The following TENM2 variants were observed in gnomAD, a reference collection of about 807,000 sequenced individuals.
The protein encoded by TENM2 is teneurin-2.
In TENM2, 52 loss-of-function variants were observed where a neutral mutation model predicts 245.2. That is an observed-to-expected ratio of 0.21 (90% confidence interval 0.17 to 0.27). TENM2 has a LOEUF of 0.27. TENM2 is among the 10% of genes least tolerant of loss of function. The pLI is 1.00. For missense variants in TENM2, 3,046 were observed against 3,666.8 expected (o/e 0.83, Z 4.37); for synonymous variants, 1,363 against 1,438.9 (o/e 0.95, Z 1.19).
At position 167,993,942 on chromosome 5, in the gene TENM2, C is replaced by G. The variant is rs537449048; in HGVS notation, c.1186+760C>G. ...GCCATAGGGTGTAGCCGTGTCACCA[C>G]AGAAAGTGGCAGATGCTGAGCGCCC... is the stretch of plus-strand genomic sequence containing the variant. On this transcript the variant is annotated intron_variant, in intron 5 of 28. Coordinates refer to ENST00000518659, the Ensembl canonical transcript of TENM2. 1.9e-4 allele frequency among the ~76,000 whole-genome samples: 29 copies of G among 152,362 alleles called. No homozygotes were observed. The Middle Eastern group carries it at 0.01, about 54-fold the overall frequency.
At chr5:167,838,584 T>C (rs1283492374) in intron 2 of TENM2, among the ~76,000 whole-genome samples, 1 of 152,176 alleles carries the variant, frequency 6.6e-6, no homozygotes, top group Non-Finnish European at 1.5e-5. Flanking sequence ...TGCTTTCAAA[T>C]TGAAACTAAT....
chr5:167,303,554 G>A (rs146633052), intron 1 of TENM2, among the ~76,000 whole-genome samples: 2,446 of 152,188 alleles, frequency 0.016, 30 homozygotes, highest in Middle Eastern at 0.031. Flanking sequence ...GTTAAGGCAG[G>A]AACAGGCCAT....
chr5:168,017,895 C>A (rs1365405648), intron 5 of TENM2, among the ~76,000 whole-genome samples: 1 of 152,190 alleles, frequency 6.6e-6, no homozygotes. Context: ...CCCCCCTTCT[C>A]CCGTCACTTT....
At chr5:167,578,085 A>G (rs1774835847) in intron 2 of TENM2, among the ~76,000 whole-genome samples, 1 of 152,182 alleles carries the variant, frequency 6.6e-6, no homozygotes, top group Non-Finnish European at 1.5e-5. Context: ...AAGCCAAGGT[A>G]TTTGATAGCC....
At chr5:167,505,254 C>G (rs1337842075) in intron 2 of TENM2, among the ~76,000 whole-genome samples, 1 of 152,126 alleles carries the variant, frequency 6.6e-6, no homozygotes, top group African/African-American at 2.4e-5. Flanking sequence ...GTGGAAAAGA[C>G]TGATGAATTA....
At chr5:167,385,391 G>C (rs1561913529) in intron 2 of TENM2, among the ~76,000 whole-genome samples, 1 of 144,390 alleles carries the variant, frequency 6.9e-6, no homozygotes, top group Non-Finnish European at 1.5e-5. Flanking sequence ...CAAGCTTTCT[G>C]CTTGTCTTTA....
At chr5:167,919,103 G>A (rs973056929) in intron 3 of TENM2, among the ~76,000 whole-genome samples, 4 of 152,026 alleles carry the variant, frequency 2.6e-5, no homozygotes, top group Non-Finnish European at 4.4e-5. Flanking sequence ...CTCATATTAC[G>A]TTTAGATTGT....
At chr5:167,009,186 C>A in the TENM2 span, among the ~76,000 whole-genome samples, 3 of 152,134 alleles carry the variant, frequency 2.0e-5, no homozygotes, top group Non-Finnish European at 2.9e-5. Context: ...ATTACACAAT[C>A]GGATGTACAG....
chr5:167,307,360 A>G (rs1755740258), intron 1 of TENM2, among the ~76,000 whole-genome samples: 1 of 152,136 alleles, frequency 6.6e-6, no homozygotes, highest in Admixed American at 6.6e-5. Context: ...ATTCTATTAT[A>G]CTGTCAGGAT....
chr5:168,254,380 G>T (rs2152707050), intron 27 of TENM2, among the ~76,000 whole-genome samples: 1 of 152,176 alleles, frequency 6.6e-6, no homozygotes, highest in East Asian at 1.9e-4. Context: ...TTTCCAAAGG[G>T]ATTGAGGCTC....
At chr5:167,872,526 AAG>A (rs1372668031) in intron 2 of TENM2, among the ~76,000 whole-genome samples, 738 of 51,096 alleles carry the variant, frequency 0.014, 10 homozygotes, top group African/African-American at 0.037. Context: ...GAAAGAAAGA[AAG>A]AAAGAAAGAA....
At chr5:167,000,471 G>C in the TENM2 span, among the ~76,000 whole-genome samples, 4 of 152,112 alleles carry the variant, frequency 2.6e-5, no homozygotes, top group African/African-American at 9.7e-5. Flanking sequence ...ATGCAAAACT[G>C]ACCTCTAACT....
chr5:167,598,571 G>A (rs1271569835), intron 2 of TENM2, among the ~76,000 whole-genome samples: 5 of 152,152 alleles, frequency 3.3e-5, no homozygotes, highest in African/African-American at 1.2e-4. Flanking sequence ...TTATTACGTG[G>A]GTGACCCCGT....
intron 2 of TENM2, among the ~76,000 whole-genome samples, chr5:167,874,368 C>A (rs943696210): frequency 6.6e-6 from 1 of 152,124 alleles, no homozygotes; most frequent in Admixed American, 6.5e-5. Context: ...GCATTAAATT[C>A]ACTGAATAAT....
chr5:167,030,847 C>G, the TENM2 span, among the ~76,000 whole-genome samples: 1 of 152,112 alleles, frequency 6.6e-6, no homozygotes, highest in Admixed American at 6.6e-5. Context: ...TGTTATTTAC[C>G]ACCTCTTCCT....
At chr5:167,279,381 T>G in the TENM2 span, among the ~76,000 whole-genome samples, 1 of 152,136 alleles carries the variant, frequency 6.6e-6, no homozygotes, top group African/African-American at 2.4e-5. Flanking sequence ...GGGACTCTGA[T>G]GACATGAACA....
At chr5:167,863,813 G>A (rs1040115596) in intron 2 of TENM2, among the ~76,000 whole-genome samples, 7 of 152,178 alleles carry the variant, frequency 4.6e-5, no homozygotes, top group African/African-American at 1.7e-4. Flanking sequence ...TCCTAGCCCA[G>A]TACTCTTCCT....
chr5:167,084,949 C>T, the TENM2 span, among the ~76,000 whole-genome samples: 1 of 152,128 alleles, frequency 6.6e-6, no homozygotes, highest in East Asian at 1.9e-4. Context: ...AACATTAGGG[C>T]CCTAGTACAT....
chr5:167,703,423 T>A (rs1037315674), intron 2 of TENM2, among the ~76,000 whole-genome samples: 1 of 150,462 alleles, frequency 6.6e-6, no homozygotes, highest in East Asian at 2.0e-4. Context: ...TCCCAGCTAC[T>A]CGGAAGGCTG....
Sources: gnomAD v4.1 joint callset for allele counts (sites outside exome capture counted in the v4.1 genomes callset) on GRCh38, gnomAD v4.1.1 for gene constraint, MANE v1.5 for transcripts, NCBI Gene and HGNC (gene_info 2026-07-23, HGNC 2026-07-21) for gene names.